Variants in MMUT observed in about 807,000 individuals in gnomAD.
MMUT encodes the protein methylmalonyl-CoA mutase.
Under a neutral mutation model 79.9 loss-of-function variants are expected in MMUT, and 79 were observed. The ratio of observed to expected loss-of-function variants is 0.99; its 90% CI spans 0.82 to 1.19. The LOEUF (loss-of-function observed/expected upper bound fraction) is 1.19. MMUT is among the 50% of genes most tolerant of loss of function. The pLI, the probability that MMUT is intolerant of heterozygous loss-of-function variation, is 0.00. For missense variants in MMUT, 860 were observed against 917.2 expected (o/e 0.94, Z 0.81); for synonymous variants, 273 against 295.7 (o/e 0.92, Z 0.79).
intron 8 of MMUT, among the ~76,000 whole-genome samples, chr6:49,446,263 A>G (rs57912929): frequency 0.089 from 13,558 of 152,008 alleles, 655 homozygotes; most frequent in Non-Finnish European, 0.11. Context: ...TGTTAAAACC[A>G]TAGGTAAAAG....
At chr6:49,461,050 C>T (rs1767827368) in intron 1 of MMUT, among the ~76,000 whole-genome samples, 1 of 152,130 alleles carries the variant, frequency 6.6e-6, no homozygotes, top group South Asian at 2.1e-4. Context: ...TCGTAAGTAT[C>T]TCATAACATA....
intron 8 of MMUT, 131 bp downstream of exon 8, chr6:49,447,539 G>A: frequency 1.6e-6 from 1 of 633,180 alleles, no homozygotes; most frequent in Admixed American, 2.8e-5. Flanking sequence ...CCTTACATTT[G>A]AAATGATGGA....
intron 9 of MMUT, among the ~76,000 whole-genome samples, chr6:49,443,616 A>G (rs1767335039): frequency 6.6e-6 from 1 of 151,962 alleles, no homozygotes; most frequent in African/African-American, 2.4e-5. Context: ...AATATAATAA[A>G]TTTATTTATA....
Position 49,431,172 on chromosome 6 carries a change from C to T in MMUT, c.*556G>A, listed in dbSNP as rs935105876. ...ATATACTGTCAAATTCCCCATATTC[C>T]AACCTGCTGTGCTTGATTTTAATAC... is the stretch of plus-strand genomic sequence containing the variant. On this transcript the variant is annotated 3_prime_UTR_variant, in exon 13 of 13. Coordinates refer to ENST00000274813, the MANE Select transcript of MMUT (RefSeq NM_000255.4). 1.3e-5 allele frequency: 2 copies of T among 152,340 alleles called. No homozygotes were observed. Among genetic ancestry groups the T allele is most frequent in the African/African-American group, 4.8e-5 (2 of 41,440 alleles). The allele number at this position is 152,340 out of a possible 1,614,324, so 9.4% of individuals were successfully genotyped here.
chr6:49,434,881 C>T (rs1172867473), intron 12 of MMUT, among the ~76,000 whole-genome samples: 1 of 152,090 alleles, frequency 6.6e-6, no homozygotes, highest in African/African-American at 2.4e-5. Context: ...AAATACCAAG[C>T]CCTAATCAGA....
At position 49,445,953 on chromosome 6, in the gene MMUT, T is replaced by G. The variant is rs1190787669; in HGVS notation, c.1561-1199A>C. ...AAAGTAAATCGAGTAAATAACGAAG[T>G]GATTTGGCACAAGGTAGTAGGGTGC... On this transcript the variant is annotated intron_variant, in intron 8 of 12. Transcript: ENST00000274813. 2.0e-5 allele frequency among the ~76,000 whole-genome samples: 3 copies of G among 152,040 alleles called. No homozygotes were observed. The East Asian group carries it at 5.8e-4, about 29-fold the overall frequency.
chr6:49,444,842 G>A, intron 8 of MMUT, 88 bp from the exon 9 acceptor site: 2 of 972,096 alleles, frequency 2.1e-6, no homozygotes, highest in South Asian at 1.6e-5. Context: ...CATAGCATAT[G>A]GCATTTTTTT....
rs532662792 is a variant in MMUT at position 49,461,952 on chromosome 6, A to C, written c.-40+1151T>G. On this transcript the variant is annotated intron_variant, in intron 1 of 12. Transcript: ENST00000274813. ...TTCAATAGTAATCCTGTAAAAGGTA[A>C]TTTGAAAACCACCTGAGACTAAACT... is the stretch of plus-strand genomic sequence containing the variant. 2.7e-4 allele frequency among the ~76,000 whole-genome samples: 41 copies of C among 152,332 alleles called. 1 individual carries two copies. Among genetic ancestry groups the C allele is most frequent in the East Asian group, 7.7e-4 (4 of 5,182 alleles).
At position 49,447,660 on chromosome 6, in the gene MMUT, C is replaced by A; in HGVS notation, c.1560+10G>T. The A allele has an allele frequency of 2.1e-6, 3 of 1,436,776 alleles. No individual in the cohort carries two copies. Among genetic ancestry groups the A allele is most frequent in the Non-Finnish European group, 2.9e-6 (3 of 1,026,346 alleles). 89.0% of individuals were successfully genotyped at this position (1,436,776 alleles called of 1,614,324 possible). On this transcript the variant is annotated intron_variant, in intron 8 of 12. Coordinates refer to ENST00000274813, the MANE Select transcript of MMUT (RefSeq NM_000255.4). ...ACTTAAAAAAAAAAAAAAAAGCAAG[C>A]TATTAATACCTTCTTAAGTTTTTCA...
At chr6:49,452,548 T>G (rs1055384591) in intron 5 of MMUT, among the ~76,000 whole-genome samples, 1 of 152,172 alleles carries the variant, frequency 6.6e-6, no homozygotes, top group Non-Finnish European at 1.5e-5. Flanking sequence ...TTAGCCAGGA[T>G]GATCTTGATC....
intron 11 of MMUT, among the ~76,000 whole-genome samples, chr6:49,438,987 C>A (rs1045144955): frequency 6.6e-6 from 1 of 152,096 alleles, no homozygotes; most frequent in African/African-American, 2.4e-5. Context: ...TGAGTTAACA[C>A]TTAATAAACT....
intron 4 of MMUT, among the ~76,000 whole-genome samples, chr6:49,454,577 G>A (rs1253778795): frequency 6.6e-6 from 1 of 152,110 alleles, no homozygotes; most frequent in Non-Finnish European, 1.5e-5. Flanking sequence ...CGAAGCACTG[G>A]GATTACAGGC....
rs752634070 is a variant in MMUT at position 49,435,575 on chromosome 6, C to T, written c.2005G>A (p.Val669Met). 6.2e-7 allele frequency: 1 copy of T among 1,614,006 alleles called. No homozygotes were observed. Among genetic ancestry groups the T allele is most frequent in the South Asian group, 1.1e-5 (1 of 91,048 alleles). Residue 669 changes from valine to methionine, a missense_variant, in exon 12 of 13, where the codon GTG (valine) becomes ATG (methionine). Transcript: ENST00000274813. ...CCAGCAGCGAGGGTGCTTATGCCCA[C>T]AGCATGCACATCCGCATCCACAGCC... is the stretch of plus-strand genomic sequence containing the variant. ...QQAVDADVHA[V>M]GISTLAAGHK...
chr6:49,432,821 G>A (rs1767022109), intron 12 of MMUT, among the ~76,000 whole-genome samples: 3 of 152,154 alleles, frequency 2.0e-5, no homozygotes, highest in Non-Finnish European at 4.4e-5. Flanking sequence ...TGTGCTACAA[G>A]AACCTGATCA....
At chr6:49,445,607 A>T (rs1483896896) in intron 8 of MMUT, among the ~76,000 whole-genome samples, 3 of 152,212 alleles carry the variant, frequency 2.0e-5, no homozygotes, top group Non-Finnish European at 4.4e-5. Context: ...ATTTTCTTGT[A>T]TACTTTAAAT....
At chr6:49,460,525 G>A (rs1224195348) in intron 1 of MMUT, among the ~76,000 whole-genome samples, 1 of 152,106 alleles carries the variant, frequency 6.6e-6, no homozygotes, top group Non-Finnish European at 1.5e-5. Flanking sequence ...TGGGTTCAGC[G>A]TCATCATTTT....
intron 6 of MMUT, 37 bp from the exon 7 acceptor site, chr6:49,448,964 A>T: frequency 2.2e-6 from 3 of 1,341,212 alleles, no homozygotes; most frequent in Non-Finnish European, 3.2e-6. Context: ...AAAAGAGAAT[A>T]TTAAAAATGT....
At chr6:49,452,203 T>C (rs189775643) in intron 5 of MMUT, among the ~76,000 whole-genome samples, 3 of 152,334 alleles carry the variant, frequency 2.0e-5, no homozygotes, top group East Asian at 1.9e-4. Context: ...GGGCAAGTCA[T>C]TGGATCTCTC....
chr6:49,458,934 T>A, intron 2 of MMUT, 148 bp downstream of exon 2: 3 of 778,428 alleles, frequency 3.9e-6, no homozygotes, highest in Non-Finnish European at 3.9e-6. Context: ...ACCACAGAAG[T>A]TAAAAAAATC....
Sources: allele counts gnomAD v4.1 joint callset (sites outside exome capture counted in the v4.1 genomes callset), GRCh38; gene constraint gnomAD v4.1.1; transcripts MANE v1.5; gene names NCBI Gene and HGNC (gene_info 2026-07-23, HGNC 2026-07-21).